The following SPATA13 variants were observed in gnomAD, a reference collection of about 807,000 sequenced individuals.
The protein encoded by SPATA13 is spermatogenesis-associated protein 13.
Under a neutral mutation model 104.0 loss-of-function variants are expected in SPATA13, and 50 were observed. The observed-to-expected ratio is 0.48, with a 90% CI of 0.38 to 0.61. The LOEUF (loss-of-function observed/expected upper bound fraction) is 0.61. Among genes scored for constraint, SPATA13 ranks in the 20% least tolerant of loss-of-function variants. The probability of loss-of-function intolerance (pLI) is 0.00; values close to 1 mark genes in which losing one functional copy is unlikely to be tolerated. For synonymous variants in SPATA13, 606 were observed against 667.5 expected, an observed-to-expected ratio of 0.91 and a Z score of 1.42; for missense variants, 1,524 against 1,690.6, an observed-to-expected ratio of 0.90 and a Z score of 1.73.
intron 3 of SPATA13, among the ~76,000 whole-genome samples, chr13:24,048,386 A>G (rs1878220135): frequency 6.6e-6 from 1 of 152,208 alleles, no homozygotes; most frequent in South Asian, 2.1e-4. Flanking sequence ...ATAAAAATAT[A>G]TAAACAGAAC....
intron 2 of SPATA13, among the ~76,000 whole-genome samples, chr13:23,987,631 T>C (rs1211340484): frequency 6.6e-6 from 1 of 152,200 alleles, no homozygotes; most frequent in Non-Finnish European, 1.5e-5. Context: ...AAGCCCCGGA[T>C]TTGAAAAGTT....
chr13:24,217,468 A>G (rs1171214419), intron 1 of SPATA13, among the ~76,000 whole-genome samples: 2 of 152,190 alleles, frequency 1.3e-5, no homozygotes, highest in African/African-American at 4.8e-5. Flanking sequence ...TCAGCCAGTC[A>G]TTCAACAGAC....
chr13:24,228,984 C>G (rs1014245158), intron 2 of SPATA13, among the ~76,000 whole-genome samples: 1 of 152,152 alleles, frequency 6.6e-6, no homozygotes, highest in Non-Finnish European at 1.5e-5. Context: ...AATGTCCTGC[C>G]GCTTTAATTT....
chr13:24,286,015 T>C lies in SPATA13; in HGVS notation c.2302-199T>C, dbSNP rs1237130468. Among the ~76,000 whole-genome samples, 1 of 152,218 alleles carries C rather than the reference T, an allele frequency of 6.6e-6. No individual in the cohort carries two copies. The highest frequency in any genetic ancestry group is 2.4e-5 in the African/African-American group (1 of 41,450). On this transcript the variant is annotated intron_variant, in intron 5 of 12. Transcript: ENST00000382108. This position sits in a 1 kb window ranked among gnomAD's most constrained non-coding sequence, Gnocchi z 4.9. Reference sequence around the variant, plus strand: ...TCTTTAAAAGCAGGTAGAGATGTCCTCCTGACTTTGTTTTTTCTTAGTCTG... The same window carrying C: ...TCTTTAAAAGCAGGTAGAGATGTCCCCCTGACTTTGTTTTTTCTTAGTCTG...
chr13:24,014,653 T>G (rs1876627828), intron 2 of SPATA13, among the ~76,000 whole-genome samples: 1 of 152,194 alleles, frequency 6.6e-6, no homozygotes, highest in Non-Finnish European at 1.5e-5. Flanking sequence ...AACAAAATAG[T>G]GTATGTCTTC....
At position 24,205,497 on chromosome 13, in the gene SPATA13, G is replaced by A. The variant is rs980425612; in HGVS notation, c.-111-17322G>A. On this transcript the variant is annotated intron_variant, in intron 1 of 12. Transcript: ENST00000382108. The surrounding 1 kb of genome is among the most constrained non-coding windows in gnomAD (Gnocchi z 4.1). ...TAGGAGGAATCAATATCATAAAAAT[G>A]GCCATACTGCTCAAAGCAATTTATC... 2.0e-5 allele frequency among the ~76,000 whole-genome samples: 3 copies of A among 152,148 alleles called. No homozygotes were observed. Among genetic ancestry groups the A allele is most frequent in the Admixed American group, 1.3e-4 (2 of 15,276 alleles).
intron 3 of SPATA13, among the ~76,000 whole-genome samples, chr13:24,085,665 C>A (rs980029504): frequency 6.6e-6 from 1 of 152,224 alleles, no homozygotes. Flanking sequence ...TGGCCCGACT[C>A]CCTTTCCAGG....
At position 24,164,636 on chromosome 13, in the gene SPATA13, A is replaced by G. The variant is rs138255231; in HGVS notation, c.-112+3704A>G. Among the ~76,000 whole-genome samples the G allele has an allele frequency of 2.4e-3, 373 of 152,266 alleles. 2 individuals are homozygous for G. Among genetic ancestry groups the G allele is most frequent in the African/African-American group, 8.7e-3 (363 of 41,530 alleles). ...TTTCATTGCTCCCTAAATGAGATGGAGGTTCAGGGAAGCTGTCGTGGCCAG... is the reference window on the plus strand; with the variant it reads ...TTTCATTGCTCCCTAAATGAGATGGGGGTTCAGGGAAGCTGTCGTGGCCAG... On this transcript the variant is annotated intron_variant, in intron 1 of 12. Transcript: ENST00000382108.
chr13:24,013,953 G>C (rs1876594547), intron 2 of SPATA13, among the ~76,000 whole-genome samples: 1 of 152,142 alleles, frequency 6.6e-6, no homozygotes, highest in African/African-American at 2.4e-5. Flanking sequence ...CTGTTGTGCT[G>C]TACTGACTCG....
Position 24,290,787 on chromosome 13 carries a change from A to T in SPATA13, c.2983A>T (p.Ile995Phe). 6.2e-7 allele frequency: 1 copy of T among 1,614,244 alleles called. No individual in the cohort carries two copies. Residue 995 changes from isoleucine to phenylalanine, a missense_variant, in exon 9 of 13, where the codon ATC (isoleucine) becomes TTC (phenylalanine). Coordinates refer to ENST00000382108, the MANE Select transcript of SPATA13 (RefSeq NM_001166271.3). ...CCGCCTGCTGCAGCAGATGATTGAC[A>T]TCGCCATCGACGGGTTCCTGCTCAC... Reference protein sequence around the residue: ...ACRLLQQMIDIAIDGFLLTPV... With the variant: ...ACRLLQQMIDFAIDGFLLTPV...
At chr13:24,302,248 G>A (rs1018491753) in intron 12 of SPATA13, among the ~76,000 whole-genome samples, 15 of 152,068 alleles carry the variant, frequency 9.9e-5, no homozygotes, top group Admixed American at 6.5e-4. Context: ...AACAAGTGTA[G>A]CTACTGGACC....
chr13:24,015,819 C>G (rs1401150367), intron 2 of SPATA13, among the ~76,000 whole-genome samples: 1 of 152,026 alleles, frequency 6.6e-6, no homozygotes, highest in African/African-American at 2.4e-5. Context: ...GCTGGTGACA[C>G]GTCATAGTCC....
intron 2 of SPATA13, among the ~76,000 whole-genome samples, chr13:24,231,593 G>A (rs1221214391): frequency 6.6e-6 from 1 of 152,202 alleles, no homozygotes; most frequent in Non-Finnish European, 1.5e-5. Context: ...GTGGAAATAT[G>A]CTTCCTTTCT....
upstream of SPATA13, among the ~76,000 whole-genome samples, chr13:24,156,222 G>T (rs1323814247): frequency 6.6e-6 from 1 of 152,124 alleles, no homozygotes; most frequent in Non-Finnish European, 1.5e-5. Flanking sequence ...TGGATGATAC[G>T]GTAATTCTAG....
At chr13:23,997,002 C>T (rs1361895633) in intron 2 of SPATA13, among the ~76,000 whole-genome samples, 1 of 152,170 alleles carries the variant, frequency 6.6e-6, no homozygotes, top group Non-Finnish European at 1.5e-5. Flanking sequence ...CATTGCTCTT[C>T]CCAGTGCCCC....
intron 2 of SPATA13, among the ~76,000 whole-genome samples, chr13:24,001,026 G>C (rs1234324613): frequency 6.6e-6 from 1 of 152,078 alleles, no homozygotes; most frequent in Non-Finnish European, 1.5e-5. Flanking sequence ...GCTGTGCTCT[G>C]TGTTTCCCCC....
chr13:24,264,205 CAGCT>C (rs1566179370), intron 4 of SPATA13, among the ~76,000 whole-genome samples: 1 of 152,134 alleles, frequency 6.6e-6, no homozygotes, highest in Non-Finnish European at 1.5e-5. Context: ...CAGTTCTCAA[CAGCT>C]AGAGTTAAAA....
At chr13:24,280,828 A>T (rs1875450113) in intron 4 of SPATA13, among the ~76,000 whole-genome samples, 1 of 151,922 alleles carries the variant, frequency 6.6e-6, no homozygotes, top group Non-Finnish European at 1.5e-5. Flanking sequence ...CCCCAAACTC[A>T]CACACCAGCA....
At chr13:24,225,843 A>G (rs1230301687) in intron 2 of SPATA13, among the ~76,000 whole-genome samples, 1 of 152,036 alleles carries the variant, frequency 6.6e-6, no homozygotes, top group East Asian at 1.9e-4. Context: ...TTTAACTCCC[A>G]CCTGCAGCTG....
Sources: gnomAD v4.1 joint callset for allele counts (sites outside exome capture counted in the v4.1 genomes callset) on GRCh38, gnomAD v4.1.1 for gene constraint, Gnocchi (gnomAD v3.1) non-coding constraint, MANE v1.5 for transcripts, NCBI Gene and HGNC (gene_info 2026-07-23, HGNC 2026-07-21) for gene names.